Variants in GRID2 observed in about 807,000 individuals in gnomAD.
GRID2 encodes the protein glutamate receptor ionotropic, delta-2.
In GRID2, 33 loss-of-function variants were observed where a neutral mutation model predicts 114.8. That is an observed-to-expected ratio of 0.29 (90% CI 0.22 to 0.38). The LOEUF is 0.38. GRID2 is among the 10% of genes least tolerant of loss of function. The pLI is 1.00. For synonymous variants in GRID2, 505 were observed against 449.9 expected (o/e 1.12, Z -1.55); for missense variants, 1,184 against 1,257.7 (o/e 0.94, Z 0.89).
intron 1 of GRID2, among the ~76,000 whole-genome samples, chr4:92,492,351 A>G (rs1056505406): frequency 6.6e-5 from 10 of 152,212 alleles, no homozygotes; most frequent in South Asian, 2.1e-4. Context: ...ATGTTGTGCA[A>G]TTAGCAAAAG....
At chr4:93,389,861 T>G (rs2149321410) in intron 8 of GRID2, among the ~76,000 whole-genome samples, 1 of 151,980 alleles carries the variant, frequency 6.6e-6, no homozygotes, top group South Asian at 2.1e-4. Flanking sequence ...CACCCTCGGC[T>G]CACGGCAACC....
chr4:92,390,484 C>T (rs1186207404), intron 1 of GRID2, among the ~76,000 whole-genome samples: 1 of 152,050 alleles, frequency 6.6e-6, no homozygotes, highest in Non-Finnish European at 1.5e-5. Context: ...TAGTTCTGGC[C>T]CTGACTGCGG....
intron 9 of GRID2, among the ~76,000 whole-genome samples, chr4:93,412,233 C>CG (rs1436143201): frequency 7.0e-4 from 105 of 150,746 alleles, no homozygotes; most frequent in African/African-American, 2.4e-3. Context: ...GACCCATCCC[C>CG]CCCCCCCAAA....
intron 4 of GRID2, among the ~76,000 whole-genome samples, chr4:93,178,380 A>AT (rs11428288): frequency 0.37 from 18,743 of 50,160 alleles, 6,948 homozygotes; most frequent in Non-Finnish European, 0.45. Flanking sequence ...TTGAAAATAG[A>AT]TTTTTTTTTT....
At chr4:92,479,781 G>C (rs1353363338) in intron 1 of GRID2, among the ~76,000 whole-genome samples, 1 of 152,136 alleles carries the variant, frequency 6.6e-6, no homozygotes, top group Non-Finnish European at 1.5e-5. Context: ...CAAAAGTGGA[G>C]ACTTCTGTGG....
At chr4:93,569,990 A>T (rs1032713112) in intron 13 of GRID2, among the ~76,000 whole-genome samples, 1 of 152,206 alleles carries the variant, frequency 6.6e-6, no homozygotes, top group Non-Finnish European at 1.5e-5. Flanking sequence ...TTACTTATTG[A>T]CATGCTCTCA....
At chr4:92,537,317 A>C (rs1285149725) in intron 1 of GRID2, among the ~76,000 whole-genome samples, 1 of 152,156 alleles carries the variant, frequency 6.6e-6, no homozygotes, top group Non-Finnish European at 1.5e-5. Flanking sequence ...TAAATTAATA[A>C]GCGTTTAGTT....
chr4:93,495,930 A>AC (rs1727491328), intron 12 of GRID2, among the ~76,000 whole-genome samples: 1 of 151,798 alleles, frequency 6.6e-6, no homozygotes, highest in Admixed American at 6.6e-5. Context: ...AAAAAGGAAG[A>AC]CAGTGATTAA....
intron 8 of GRID2, among the ~76,000 whole-genome samples, chr4:93,273,468 CCCA>C (rs1751719846): frequency 1.3e-5 from 2 of 151,140 alleles, no homozygotes; most frequent in Admixed American, 6.6e-5. Flanking sequence ...TATCCCCCCC[CCCA>C]AAAAATATCC....
chr4:93,587,779 T>A (rs573473146), intron 13 of GRID2, among the ~76,000 whole-genome samples: 15 of 152,252 alleles, frequency 9.9e-5, no homozygotes, highest in Admixed American at 2.6e-4. Context: ...CTGTTATAAT[T>A]TTATGAGTAA....
Position 93,463,902 on chromosome 4 carries a change from T to C in GRID2, c.1858+7928T>C, listed in dbSNP as rs191753044. ...TACTCGGGAGGCTGAGGCAGGAGAATGGCGTGAACCTGGGAGGTGGAGCTT... is the reference window on the plus strand; with the variant it reads ...TACTCGGGAGGCTGAGGCAGGAGAACGGCGTGAACCTGGGAGGTGGAGCTT... On this transcript the variant is annotated intron_variant, in intron 11 of 15. Transcript: ENST00000282020. 2.6e-3 allele frequency among the ~76,000 whole-genome samples: 392 copies of C among 152,154 alleles called. 1 individual carries two copies. The highest frequency in any genetic ancestry group is 7.7e-3 in the African/African-American group (320 of 41,504).
intron 14 of GRID2, among the ~76,000 whole-genome samples, chr4:93,734,584 C>G (rs1730767335): frequency 6.6e-6 from 1 of 151,702 alleles, no homozygotes; most frequent in Admixed American, 6.6e-5. Flanking sequence ...TGATGTTTCC[C>G]TTTTGAACTA....
chr4:93,473,227 G>A (rs190583169), intron 11 of GRID2, among the ~76,000 whole-genome samples: 3 of 151,674 alleles, frequency 2.0e-5, no homozygotes, highest in African/African-American at 7.3e-5. Flanking sequence ...AATCATTCTA[G>A]TGGTTCAATC....
chr4:93,355,542 A>G (rs1761250889), intron 8 of GRID2, among the ~76,000 whole-genome samples: 1 of 152,018 alleles, frequency 6.6e-6, no homozygotes, highest in Admixed American at 6.6e-5. Context: ...ACTCTTTAAG[A>G]CTACACCTGA....
chr4:93,113,093 G>T (rs1200027668), intron 4 of GRID2, among the ~76,000 whole-genome samples: 1 of 152,158 alleles, frequency 6.6e-6, no homozygotes, highest in East Asian at 1.9e-4. Flanking sequence ...TAAGGCAGAG[G>T]AGTATGTTTG....
At chr4:92,568,589 A>G (rs917509958) in intron 1 of GRID2, among the ~76,000 whole-genome samples, 1 of 151,944 alleles carries the variant, frequency 6.6e-6, no homozygotes, top group African/African-American at 2.4e-5. Flanking sequence ...GTTTTATTTC[A>G]AGTTCAGGGG....
At chr4:92,905,068 C>G (rs2149484527) in intron 2 of GRID2, among the ~76,000 whole-genome samples, 1 of 151,972 alleles carries the variant, frequency 6.6e-6, no homozygotes, top group South Asian at 2.1e-4. Flanking sequence ...GACAGTGATC[C>G]TTTTTCAAAA....
chr4:93,663,432 C>T (rs1235517807), intron 14 of GRID2, among the ~76,000 whole-genome samples: 2 of 152,142 alleles, frequency 1.3e-5, no homozygotes, highest in African/African-American at 4.8e-5. Flanking sequence ...ACGGTGCAAA[C>T]CTTTGGGAGC....
intron 2 of GRID2, among the ~76,000 whole-genome samples, chr4:92,784,505 ACTTTTACT>A (rs1401076366): frequency 1.3e-5 from 2 of 151,864 alleles, no homozygotes; most frequent in Non-Finnish European, 2.9e-5. Context: ...ATGAGTATAT[ACTTTTACT>A]CTTAAAGATT....
Sources: allele counts gnomAD v4.1 joint callset (sites outside exome capture counted in the v4.1 genomes callset), GRCh38; gene constraint gnomAD v4.1.1; transcripts MANE v1.5; gene names NCBI Gene and HGNC (gene_info 2026-07-23, HGNC 2026-07-21).